Variants in KANK1 observed in about 807,000 individuals in gnomAD.
KANK1 encodes the protein KN motif and ankyrin repeat domain-containing protein 1.
Under a neutral mutation model 106.2 loss-of-function variants are expected in KANK1, and 109 were observed. That is an observed-to-expected ratio of 1.03 (90% confidence interval 0.88 to 1.20). The LOEUF (loss-of-function observed/expected upper bound fraction) is 1.20, where lower values mean the gene tolerates loss of function less well. Ranked by LOEUF, KANK1 falls within the 50% of genes most tolerant of loss-of-function variation. KANK1 has a pLI of 0.00. For missense variants in KANK1, 2,399 were observed against 1,710.7 expected (o/e 1.40, Z -7.10); for synonymous variants, 873 against 652.2 (o/e 1.34, Z -5.16).
chr9:668,244 A>T (rs554096632), intron 1 of KANK1, among the ~76,000 whole-genome samples: 18 of 152,278 alleles, frequency 1.2e-4, no homozygotes, highest in Admixed American at 9.8e-4. Flanking sequence ...ATTTGGTCTG[A>T]TGTGTAGTTT....
chr9:608,297 A>G (rs1309985318), intron 1 of KANK1, among the ~76,000 whole-genome samples: 1 of 151,588 alleles, frequency 6.6e-6, no homozygotes, highest in Admixed American at 6.6e-5. Context: ...TCGGCCTCCC[A>G]AAGTGCTGGG....
chr9:524,604 G>A (rs2059698856), intron 1 of KANK1, among the ~76,000 whole-genome samples: 2 of 151,498 alleles, frequency 1.3e-5, no homozygotes, highest in African/African-American at 4.9e-5. Context: ...TGCAACCTCC[G>A]CCTCCCAGGT....
At chr9:486,349 A>G (rs1235867193) in intron 3 of KANK1, among the ~76,000 whole-genome samples, 4 of 152,188 alleles carry the variant, frequency 2.6e-5, no homozygotes, top group Admixed American at 6.5e-5. Context: ...AGTAATCATC[A>G]TCGTCGTCAT....
intron 1 of KANK1, among the ~76,000 whole-genome samples, chr9:655,313 G>A (rs1011855951): frequency 6.6e-6 from 1 of 151,334 alleles, no homozygotes; most frequent in Non-Finnish European, 1.5e-5. Flanking sequence ...AGAGGTTGCG[G>A]TGAGTGGAGA....
chr9:513,405 C>G (rs1254644428), intron 1 of KANK1, among the ~76,000 whole-genome samples: 1 of 152,134 alleles, frequency 6.6e-6, no homozygotes, highest in African/African-American at 2.4e-5. Context: ...CCCTGTAACT[C>G]TGTTGGAGGT....
chr9:495,417 A>G (rs2058442065), intron 3 of KANK1: 2 of 152,316 alleles, frequency 1.3e-5, no homozygotes, highest in African/African-American at 4.8e-5. Context: ...GCAGAGAGCC[A>G]TCGTGCCTCC....
intron 11 of KANK1, 29 bp from the exon 12 acceptor site, chr9:745,144 C>A (rs182672126): frequency 3.2e-5 from 52 of 1,611,776 alleles, no homozygotes; most frequent in Non-Finnish European, 4.2e-5. Context: ...CTTATTAACC[C>A]CCAGTTTTTT....
At chr9:485,360 T>G (rs2058273224) in intron 3 of KANK1, among the ~76,000 whole-genome samples, 1 of 152,244 alleles carries the variant, frequency 6.6e-6, no homozygotes, top group South Asian at 2.1e-4. Context: ...AGTATACAAT[T>G]CAATGATTTT....
At chr9:590,791 G>A (rs1824676032) in intron 1 of KANK1, among the ~76,000 whole-genome samples, 1 of 151,778 alleles carries the variant, frequency 6.6e-6, no homozygotes, top group African/African-American at 2.4e-5. Context: ...TTTCAGGAAT[G>A]TATTTTAACA....
intron 1 of KANK1, among the ~76,000 whole-genome samples, chr9:577,771 G>C (rs901675614): frequency 6.6e-6 from 1 of 152,174 alleles, no homozygotes; most frequent in African/African-American, 2.4e-5. Flanking sequence ...AGTCTTGCAG[G>C]TGATTTTGAT....
chr9:622,905 A>C (rs1268290159), intron 1 of KANK1, among the ~76,000 whole-genome samples: 2 of 152,158 alleles, frequency 1.3e-5, no homozygotes, highest in African/African-American at 4.8e-5. Context: ...CCATCTCAAA[A>C]AAAAAGAAAA....
chr9:538,699 G>A (rs1256375983), intron 1 of KANK1, among the ~76,000 whole-genome samples: 1 of 152,114 alleles, frequency 6.6e-6, no homozygotes, highest in Non-Finnish European at 1.5e-5. Context: ...AGTCAGAGTT[G>A]GGGTGGAATT....
chr9:730,739 A>G (rs1832010436), intron 4 of KANK1: 1 of 181,682 alleles, frequency 5.5e-6, no homozygotes, highest in Non-Finnish European at 1.2e-5. Context: ...TGATATTACA[A>G]ATTATGAAAT....
intron 1 of KANK1, among the ~76,000 whole-genome samples, chr9:597,708 G>A (rs1588123578): frequency 6.6e-6 from 1 of 151,096 alleles, no homozygotes; most frequent in East Asian, 1.9e-4. Flanking sequence ...CTGTTGCCCA[G>A]GCTGGAGTAC....
intron 1 of KANK1, among the ~76,000 whole-genome samples, chr9:666,441 T>G (rs1180347917): frequency 2.6e-5 from 4 of 152,166 alleles, no homozygotes; most frequent in Non-Finnish European, 5.9e-5. Flanking sequence ...CACCTTTATT[T>G]TTTTTTCTTG....
chr9:507,356 A>G (rs1587333674), intron 1 of KANK1, among the ~76,000 whole-genome samples: 1 of 151,938 alleles, frequency 6.6e-6, no homozygotes, highest in African/African-American at 2.4e-5. Context: ...TCCTCTCTCA[A>G]AACAAGATGA....
At chr9:645,437 C>CT (rs1223622324) in intron 1 of KANK1, among the ~76,000 whole-genome samples, 1 of 75,784 alleles carries the variant, frequency 1.3e-5, no homozygotes, top group Admixed American at 2.0e-4. Context: ...GAGACTGTGT[C>CT]TTAAAAAAAA....
chr9:578,475 G>A (rs994076239), intron 1 of KANK1, among the ~76,000 whole-genome samples: 4 of 147,596 alleles, frequency 2.7e-5, no homozygotes, highest in Non-Finnish European at 4.5e-5. Context: ...TTTTTTTTTT[G>A]TTGGGCGGCA....
chr9:574,597 C>T (rs1041031694), intron 1 of KANK1, among the ~76,000 whole-genome samples: 1 of 152,000 alleles, frequency 6.6e-6, no homozygotes, highest in East Asian at 1.9e-4. Flanking sequence ...TGGCTTATGC[C>T]TGTAATCCCA....
Sources: gnomAD v4.1 joint callset for allele counts (sites outside exome capture counted in the v4.1 genomes callset) on GRCh38, gnomAD v4.1.1 for gene constraint, MANE v1.5 for transcripts, NCBI Gene and HGNC (gene_info 2026-07-23, HGNC 2026-07-21) for gene names.